LOXL2: variants seen among roughly 807,000 people sequenced by gnomAD.
LOXL2 encodes the protein lysyl oxidase like 2.
Under a neutral mutation model 93.0 loss-of-function variants are expected in LOXL2, and 70 were observed. That is an observed-to-expected ratio of 0.75 (90% confidence interval 0.62 to 0.92). The LOEUF (loss-of-function observed/expected upper bound fraction) is 0.92. LOXL2 is among the 40% of genes least tolerant of loss of function. LOXL2 has a pLI of 0.00. For missense variants in LOXL2, 973 were observed against 1,054.9 expected, an observed-to-expected ratio of 0.92 and a Z score of 1.08; for synonymous variants, 438 against 413.2, an observed-to-expected ratio of 1.06 and a Z score of -0.73.
At chr8:23,381,396 A>G (rs1262999080) in intron 1 of LOXL2, among the ~76,000 whole-genome samples, 1 of 152,214 alleles carries the variant, frequency 6.6e-6, no homozygotes, top group East Asian at 1.9e-4. Flanking sequence ...GCAAAACTAT[A>G]TGAACCACCT....
intron 1 of LOXL2, chr8:23,386,029 T>A: frequency 1.3e-6 from 1 of 765,230 alleles, no homozygotes; most frequent in Non-Finnish European, 2.4e-6. Flanking sequence ...CAAGGTATTA[T>A]CAGCATCCCT....
chr8:23,314,561 C>A (rs1232845970), intron 9 of LOXL2, among the ~76,000 whole-genome samples: 7 of 142,956 alleles, frequency 4.9e-5, no homozygotes, highest in Non-Finnish European at 6.1e-5. Flanking sequence ...CCAAACACCG[C>A]ATATTCTCAC....
At chr8:23,321,855 G>C (rs562423716) in intron 7 of LOXL2, 11 of 406,032 alleles carry the variant, frequency 2.7e-5, no homozygotes, top group South Asian at 2.7e-4. Flanking sequence ...CTTTGGAGGT[G>C]GTGGGGCAGA....
chr8:23,335,964 C>A (rs1803784118), intron 4 of LOXL2, among the ~76,000 whole-genome samples: 1 of 152,192 alleles, frequency 6.6e-6, no homozygotes, highest in African/African-American at 2.4e-5. Context: ...GTGCTCACCA[C>A]AGCGGCAGCC....
At chr8:23,381,048 G>A (rs569273872) in intron 1 of LOXL2, among the ~76,000 whole-genome samples, 8 of 151,272 alleles carry the variant, frequency 5.3e-5, no homozygotes, top group African/African-American at 1.9e-4. Flanking sequence ...TAATACCACT[G>A]GGGGGCGGGT....
Position 23,328,389 on chromosome 8 carries a change from C to T in LOXL2, c.1143G>A (p.Leu381=), listed in dbSNP as rs1803619347. 3 of 1,613,958 alleles carry T rather than the reference C, an allele frequency of 1.9e-6. No homozygotes were observed. Among genetic ancestry groups the T allele is most frequent in the East Asian group, 4.5e-5 (2 of 44,856 alleles). The change falls in exon 6 of 14, where the codon CTG becomes CTA. Residue 381 remains leucine (L), a synonymous_variant. Coordinates refer to ENST00000389131, the MANE Select transcript of LOXL2 (RefSeq NM_002318.3). ...SAKEAVTGSR[L]GQGIGPIHLN... ...AGCCTCCCCATTCCTTACCTTGCCCCAGTCGGGAGCCAGTGACTGCCTCTT... is the reference window on the plus strand; with the variant it reads ...AGCCTCCCCATTCCTTACCTTGCCCTAGTCGGGAGCCAGTGACTGCCTCTT...
At chr8:23,375,697 T>C (rs1055060882) in intron 1 of LOXL2, among the ~76,000 whole-genome samples, 6 of 151,732 alleles carry the variant, frequency 4.0e-5, no homozygotes, top group African/African-American at 1.5e-4. Flanking sequence ...TATTTTATTC[T>C]CTTTGAAGCA....
chr8:23,316,674 C>T, intron 9 of LOXL2: 1 of 452,472 alleles, frequency 2.2e-6, no homozygotes. Flanking sequence ...ATGTAGTCTG[C>T]CCTGGGTCAC....
intron 9 of LOXL2, among the ~76,000 whole-genome samples, chr8:23,310,708 A>G (rs1803309018): frequency 6.6e-6 from 1 of 152,246 alleles, no homozygotes; most frequent in South Asian, 2.1e-4. Flanking sequence ...TCCTACTGCC[A>G]AATTGCCTTC....
At chr8:23,336,805 G>A (rs1440956457) in intron 4 of LOXL2, 1 of 151,586 alleles carries the variant, frequency 6.6e-6, no homozygotes, top group African/African-American at 2.4e-5. Flanking sequence ...CCAGTGGCCA[G>A]TAGTCCAAAA....
chr8:23,388,839 G>A (rs985305135), intron 1 of LOXL2, among the ~76,000 whole-genome samples: 3 of 152,100 alleles, frequency 2.0e-5, no homozygotes, highest in East Asian at 1.9e-4. Flanking sequence ...CTTTTAAGCA[G>A]GGCTTGTATC....
Position 23,303,355 on chromosome 8 carries a change from C to T in LOXL2, c.1923G>A (p.Leu641=), listed in dbSNP as rs767437223. 1 of 1,613,702 alleles carries T rather than the reference C, an allele frequency of 6.2e-7. No homozygotes were observed. Among genetic ancestry groups the T allele is most frequent in the Admixed American group, 1.7e-5 (1 of 60,000 alleles). ...CTGCCACCTTGGTGCCATTGAGGTT[C>T]AGCAGGTCATAGTGGGTGAACACCT... The part of the protein sequence containing the change: ...SMEVFTHYDL[L]NLNGTKVAEG... The change falls in exon 11 of 14, where the codon CTG becomes CTA. Residue 641 remains leucine, a synonymous_variant. Transcript: ENST00000389131.
chr8:23,346,581 A>T (rs1455887577), intron 3 of LOXL2, among the ~76,000 whole-genome samples: 1 of 152,252 alleles, frequency 6.6e-6, no homozygotes, highest in Non-Finnish European at 1.5e-5. Context: ...CATGACTTGC[A>T]AATTCCAGAA....
rs58347035 is a variant in LOXL2 at position 23,307,953 on chromosome 8, G to GGAAAAAAAAAAAAAAAAAAAAAA, written c.1880+1714_1880+1715insTTTTTTTTTTTTTTTTTTTTTTC. On this transcript the variant is annotated intron_variant, in intron 10 of 13. Coordinates refer to ENST00000389131, the MANE Select transcript of LOXL2 (RefSeq NM_002318.3). ...GTGACTAGGTCATCAGCTGCGATATGAAAAAAAAAAAAAAAAAAAAGCCAA... is the reference window on the plus strand; with the variant it reads ...GTGACTAGGTCATCAGCTGCGATATGGAAAAAAAAAAAAAAAAAAAAAAAAAAAAAAAAAAAAAAAAAAGCCAA... 1.3e-4 allele frequency among the ~76,000 whole-genome samples: 11 copies of GGAAAAAAAAAAAAAAAAAAAAAA among 83,522 alleles called. 5 individuals carry two copies. Among genetic ancestry groups the GGAAAAAAAAAAAAAAAAAAAAAA allele is most frequent in the Admixed American group, 3.9e-4 (2 of 5,098 alleles). 54.8% of individuals were successfully genotyped at this position (83,522 alleles called of 152,430 possible). A position where few individuals can be genotyped will look rare whatever the true frequency, so the allele number is the denominator to read the frequency against.
intron 1 of LOXL2, chr8:23,386,053 A>G (rs1804755352): frequency 1.3e-6 from 1 of 765,256 alleles, no homozygotes. Context: ...TTCCTAAGGA[A>G]AAACCGAGAG....
intron 1 of LOXL2, among the ~76,000 whole-genome samples, chr8:23,398,900 C>T (rs769096711): frequency 5.3e-5 from 8 of 152,086 alleles, no homozygotes; most frequent in East Asian, 1.9e-4. Flanking sequence ...ACGCTGGTCA[C>T]GGTAGAAGGG....
intron 1 of LOXL2, among the ~76,000 whole-genome samples, chr8:23,390,497 AT>A (rs370935710): frequency 3.9e-5 from 6 of 152,180 alleles, no homozygotes; most frequent in East Asian, 1.9e-4. Flanking sequence ...ACAAAACTGC[AT>A]TTTTTCCCCC....
chr8:23,342,544 G>C (rs1803899742), intron 3 of LOXL2, among the ~76,000 whole-genome samples: 1 of 150,354 alleles, frequency 6.7e-6, no homozygotes, highest in Admixed American at 6.7e-5. Flanking sequence ...CCATTCTCCT[G>C]CCTCAGCCTC....
rs1441364377 is a variant in LOXL2 at position 23,322,123 on chromosome 8, C to T, written c.1302+7G>A. ...TACAGTCCCCTCTAGGTGTCCAGTC[C>T]CATCACCTTCTTCTGCAAGCCCATG... On this transcript the variant is annotated splice_region_variant and intron_variant, in intron 7 of 13. Transcript: ENST00000389131. The T allele has an allele frequency of 6.2e-7, 1 of 1,613,782 alleles. No individual in the cohort carries two copies. Among genetic ancestry groups the T allele is most frequent in the East Asian group, 2.2e-5 (1 of 44,886 alleles).
Sources: allele counts gnomAD v4.1 joint callset (sites outside exome capture counted in the v4.1 genomes callset), GRCh38; gene constraint gnomAD v4.1.1; transcripts MANE v1.5; gene names NCBI Gene and HGNC (gene_info 2026-07-23, HGNC 2026-07-21).